RDH13: variants seen among roughly 807,000 people sequenced by gnomAD.
RDH13 encodes the protein retinol dehydrogenase 13 (all-trans and 9-cis).
Under a neutral mutation model 28.3 loss-of-function variants are expected in RDH13, and 35 were observed. That is an observed-to-expected ratio of 1.24 (90% confidence interval 0.95 to 1.64). RDH13 has a LOEUF of 1.64. Among genes scored for constraint, RDH13 ranks in the 40% most tolerant of loss-of-function variants. The pLI is 0.00. For synonymous variants in RDH13, 229 were observed against 198.5 expected (o/e 1.15, Z -1.29); for missense variants, 514 against 446.3 (o/e 1.15, Z -1.37).
chr19:55,054,061 T>C (rs2075553093), intron 3 of RDH13: 1 of 152,164 alleles, frequency 6.6e-6, no homozygotes, highest in South Asian at 2.1e-4. Flanking sequence ...TCAGTATGAA[T>C]GAATGAATGA....
At chr19:55,052,822 G>A (rs937738643) in intron 3 of RDH13, among the ~76,000 whole-genome samples, 1 of 151,860 alleles carries the variant, frequency 6.6e-6, no homozygotes, top group Non-Finnish European at 1.5e-5. Context: ...CACCACGCCC[G>A]GCTAATTTTT....
chr19:55,060,585 G>T (rs1402165973), intron 1 of RDH13, among the ~76,000 whole-genome samples: 1 of 152,162 alleles, frequency 6.6e-6, no homozygotes, highest in Non-Finnish European at 1.5e-5. Flanking sequence ...GGTCCCCTGG[G>T]CCCACTGTTG....
chr19:55,059,754 C>T (rs2147065151), intron 1 of RDH13, among the ~76,000 whole-genome samples: 1 of 152,248 alleles, frequency 6.6e-6, no homozygotes, highest in South Asian at 2.1e-4. Context: ...TAAGAGACTC[C>T]ATTTTGAAAA....
At chr19:55,057,848 C>T (rs901559066) in intron 2 of RDH13, among the ~76,000 whole-genome samples, 10 of 150,802 alleles carry the variant, frequency 6.6e-5, no homozygotes, top group Admixed American at 1.3e-4. Flanking sequence ...ACTCTGCTGC[C>T]GCGGCTGGAG....
At position 55,058,680 on chromosome 19, in the gene RDH13, TTTTGC is replaced by T. The variant is rs201283898; in HGVS notation, c.184+472_184+476del. Among the ~76,000 whole-genome samples, 555 of 151,750 alleles carry T rather than the reference TTTTGC, an allele frequency of 3.7e-3. 4 individuals are homozygous for T. Among genetic ancestry groups the T allele is most frequent in the African/African-American group, 0.013 (533 of 41,468 alleles). On this transcript the variant is annotated intron_variant, in intron 2 of 6. Coordinates refer to ENST00000415061, the MANE Select transcript of RDH13 (RefSeq NM_001145971.2). ...ATCTGTTTCAATGCCCTTTTTTTTGTTTTGCTTTGTTTTGTTTTGTTTTTGAGTCT... is the reference window on the plus strand; with the variant it reads ...ATCTGTTTCAATGCCCTTTTTTTTGTTTTGTTTTGTTTTGTTTTTGAGTCT...
Position 55,055,458 on chromosome 19 carries a change from C to G in RDH13, c.340+1195G>C, listed in dbSNP as rs115285871. ...CGTGAGCCACTGTGCCCAGCCAGTT[C>G]TGTCTTCTTTACATTGCAGTATTTT... is the stretch of plus-strand genomic sequence containing the variant. On this transcript the variant is annotated intron_variant, in intron 3 of 6. Transcript: ENST00000415061. Among the ~76,000 whole-genome samples, 605 of 152,084 alleles carry G rather than the reference C, an allele frequency of 4.0e-3. 7 individuals carry two copies. The highest frequency in any genetic ancestry group is 0.014 in the African/African-American group (567 of 41,528).
chr19:55,064,104 T>A (rs1178705951), upstream of RDH13: 1 of 152,176 alleles, frequency 6.6e-6, no homozygotes, highest in Non-Finnish European at 1.5e-5. Context: ...ATGGAGATTA[T>A]ACAGGCAGGA....
At chr19:55,055,852 C>T (rs1201394103) in intron 3 of RDH13, among the ~76,000 whole-genome samples, 1 of 149,980 alleles carries the variant, frequency 6.7e-6, no homozygotes, top group Non-Finnish European at 1.5e-5. Flanking sequence ...GATCCTGTCT[C>T]AAACAAACTA....
chr19:55,048,632 A>G lies in RDH13; in HGVS notation c.445+27T>C, dbSNP rs748786183. The stretch of plus-strand genomic sequence containing the variant: ...CGACGGGGGAGGATCGCTTGAACCC[A>G]TGGTGCAGCCCCTGCCCAGGCCTCA... On this transcript the variant is annotated intron_variant, in intron 4 of 6. Coordinates refer to ENST00000415061, the MANE Select transcript of RDH13 (RefSeq NM_001145971.2). The G allele has an allele frequency of 1.1e-5, 18 of 1,611,486 alleles. No individual in the cohort carries two copies. In the East Asian group the frequency reaches 4.0e-4, roughly 36 times the overall value.
At chr19:55,042,213 A>T (rs1451971822), downstream of RDH13, 3 of 151,642 alleles carry the variant, frequency 2.0e-5, no homozygotes, top group Non-Finnish European at 4.4e-5. Context: ...TATCAAACTC[A>T]AACGCTAGGA....
intron 6 of RDH13, 92 bp from the exon 7 acceptor site, chr19:55,045,401 A>T: frequency 1.1e-6 from 1 of 936,278 alleles, no homozygotes; most frequent in South Asian, 1.6e-5. Flanking sequence ...GGGTCCCTGG[A>T]GTCCCACAGA....
In RDH13 at chr19:55,063,064, G is replaced by GTCCGGA. The variant is rs55805642; in HGVS notation, c.-33_-32insTCCGGA. On this transcript the variant is annotated 5_prime_UTR_variant, in exon 1 of 7. Transcript: ENST00000415061. ...CCGGGGACAGGCGTCAGGCGTCAGG[G>GTCCGGA]GTCGGCGCGGAGCTTGCTGCACACC... 160,395 of 1,203,494 alleles carry GTCCGGA rather than the reference G, an allele frequency of 0.13. 10,476 individuals are homozygous for GTCCGGA. The highest frequency in any genetic ancestry group is 0.14 in the Non-Finnish European group (136,863 of 970,780). The allele number at this position is 1,203,494 out of a possible 1,614,324, so 74.6% of individuals were successfully genotyped here.
intron 6 of RDH13, 67 bp from the exon 7 acceptor site, chr19:55,045,376 C>G: frequency 7.7e-7 from 1 of 1,306,410 alleles, no homozygotes; most frequent in Non-Finnish European, 1.1e-6. Context: ...CCCCGCTCCC[C>G]GGTCAGGGAG....
chr19:55,045,174 T>C lies in RDH13; in HGVS notation c.896A>G (p.Glu299Gly), dbSNP rs775167139. The change falls in exon 7 of 7, where the codon GAG becomes GGG. Residue 299 changes from glutamate to glycine, a missense_variant. By Grantham distance (98) the Glu-to-Gly change is moderately conservative (BLOSUM62 -2). Coordinates refer to ENST00000415061, the MANE Select transcript of RDH13 (RefSeq NM_001145971.2). ...DGLKQKAPAPEAEDEEVARRL... is the reference protein window; with the variant it reads ...DGLKQKAPAPGAEDEEVARRL... ...CCGGGCCACCTCCTCATCCTCAGCC[T>C]CGGGGGCCGGGGCCTTCTGTTTGAG... is the stretch of plus-strand genomic sequence containing the variant. The C allele has an allele frequency of 1.2e-6, 2 of 1,613,628 alleles. No homozygotes were observed. The highest frequency in any genetic ancestry group is 8.5e-7 in the Non-Finnish European group (1 of 1,179,992).
At chr19:55,068,171 GTCTC>G (rs778516989) in intron 1 of RDH13, among the ~76,000 whole-genome samples, 1 of 138,722 alleles carries the variant, frequency 7.2e-6, no homozygotes, top group East Asian at 2.1e-4. Flanking sequence ...CTTTTCCTTT[GTCTC>G]TCTCTCTCCC....
At chr19:55,068,249 T>G (rs1178777701) in intron 1 of RDH13, among the ~76,000 whole-genome samples, 1 of 152,008 alleles carries the variant, frequency 6.6e-6, no homozygotes, top group Non-Finnish European at 1.5e-5. Context: ...GTTTAGCTAC[T>G]CCACGGCCTG....
chr19:55,060,431 T>C (rs1287113552), intron 1 of RDH13, among the ~76,000 whole-genome samples: 5 of 152,232 alleles, frequency 3.3e-5, no homozygotes, highest in African/African-American at 9.6e-5. Flanking sequence ...TAGATTCTTT[T>C]GCTCACATGG....
chr19:55,064,214 A>G (rs1276066096), upstream of RDH13: 3 of 152,216 alleles, frequency 2.0e-5, no homozygotes, highest in East Asian at 5.8e-4. Flanking sequence ...CGAGGTCAGG[A>G]GATTGATACC....
At chr19:55,054,585 CA>C (rs571294744) in intron 3 of RDH13, among the ~76,000 whole-genome samples, 1 of 151,396 alleles carries the variant, frequency 6.6e-6, no homozygotes. Flanking sequence ...GACTCCATCT[CA>C]AAAAAAAGGT....
Sources: allele counts gnomAD v4.1 joint callset (sites outside exome capture counted in the v4.1 genomes callset), GRCh38; gene constraint gnomAD v4.1.1; transcripts MANE v1.5; gene names NCBI Gene and HGNC (gene_info 2026-07-23, HGNC 2026-07-21).